RNGTT: variants seen among roughly 807,000 people sequenced by gnomAD.
RNGTT encodes the protein RNA guanylyltransferase and 5'-phosphatase.
RNGTT carries 33 observed loss-of-function variants against 79.3 expected under a neutral mutation model. That is an observed-to-expected ratio of 0.42 (90% CI 0.32 to 0.56). The LOEUF (loss-of-function observed/expected upper bound fraction) is 0.56, where lower values mean the gene tolerates loss of function less well. Ranked by LOEUF, RNGTT falls within the 20% of genes least tolerant of loss-of-function variation. RNGTT has a pLI of 0.17. For missense variants in RNGTT, 497 were observed against 739.1 expected (o/e 0.67, Z 3.80); for synonymous variants, 222 against 235.9 (o/e 0.94, Z 0.54).
chr6:88,752,713 A>G (rs918620302), intron 13 of RNGTT, among the ~76,000 whole-genome samples: 3 of 152,172 alleles, frequency 2.0e-5, no homozygotes, highest in African/African-American at 7.2e-5. Flanking sequence ...TTCACCATCT[A>G]AACTTAATTG....
intron 11 of RNGTT, among the ~76,000 whole-genome samples, chr6:88,842,170 G>T (rs1781314219): frequency 6.6e-6 from 1 of 152,070 alleles, no homozygotes; most frequent in South Asian, 2.1e-4. Context: ...ATTAAAAGGT[G>T]GGTTCAATAA....
At position 88,801,547 on chromosome 6, in the gene RNGTT, C is replaced by G. The variant is rs201601322; in HGVS notation, c.1338+17G>C. 9.4e-6 allele frequency: 15 copies of G among 1,600,578 alleles called. No individual in the cohort carries two copies. The highest frequency in any genetic ancestry group is 1.3e-5 in the African/African-American group (1 of 74,430). On this transcript the variant is annotated intron_variant, in intron 12 of 15. Transcript: ENST00000369485. ...AAACACACAAACGAACACACACACA[C>G]AGACAAATGAACTTACTCCAGTAGG...
intron 1 of RNGTT, among the ~76,000 whole-genome samples, chr6:88,941,690 G>A (rs1784852711): frequency 1.4e-5 from 2 of 148,008 alleles, no homozygotes; most frequent in South Asian, 2.1e-4. Flanking sequence ...TTGAGACGGA[G>A]TCTCGCTCTG....
intron 13 of RNGTT, among the ~76,000 whole-genome samples, chr6:88,704,030 C>T (rs535682873): frequency 1.3e-5 from 2 of 152,108 alleles, no homozygotes; most frequent in Admixed American, 6.5e-5. Flanking sequence ...GAGGCTTAGG[C>T]GGGCGGATCA....
At chr6:88,646,327 A>G (rs559367051) in intron 14 of RNGTT, among the ~76,000 whole-genome samples, 3 of 152,338 alleles carry the variant, frequency 2.0e-5, no homozygotes, top group Middle Eastern at 3.4e-3. Flanking sequence ...GGCGATCATT[A>G]AAAAGTCAGG....
At chr6:88,787,361 GGA>G (rs1273362903) in intron 12 of RNGTT, among the ~76,000 whole-genome samples, 3 of 151,998 alleles carry the variant, frequency 2.0e-5, no homozygotes, top group Non-Finnish European at 4.4e-5. Context: ...CACTCGATAT[GGA>G]GAGAAGAAAA....
At chr6:88,679,529 T>C (rs763581827) in intron 13 of RNGTT, among the ~76,000 whole-genome samples, 2 of 152,204 alleles carry the variant, frequency 1.3e-5, no homozygotes, top group Non-Finnish European at 2.9e-5. Flanking sequence ...ACTTATTTCT[T>C]ATAAAACAAT....
chr6:88,833,881 G>A (rs1582518678), intron 11 of RNGTT, among the ~76,000 whole-genome samples: 1 of 152,066 alleles, frequency 6.6e-6, no homozygotes, highest in South Asian at 2.1e-4. Context: ...AATTAGCCGG[G>A]TGTGGTGGCG....
intron 14 of RNGTT, among the ~76,000 whole-genome samples, chr6:88,622,108 T>G (rs1772462192): frequency 1.3e-5 from 2 of 152,216 alleles, no homozygotes; most frequent in South Asian, 4.1e-4. Flanking sequence ...TGGAATACAG[T>G]GTTGCCCGAT....
At chr6:88,682,718 C>T (rs1775136980) in intron 13 of RNGTT, among the ~76,000 whole-genome samples, 1 of 152,110 alleles carries the variant, frequency 6.6e-6, no homozygotes, top group African/African-American at 2.4e-5. Context: ...GCCCAGCATC[C>T]ACTAGCTACT....
chr6:88,696,056 G>GA (rs1299164478), intron 13 of RNGTT, among the ~76,000 whole-genome samples: 2 of 152,104 alleles, frequency 1.3e-5, no homozygotes, highest in Non-Finnish European at 2.9e-5. Context: ...TAGACAAGAA[G>GA]AAAAAGGTTT....
At position 88,739,004 on chromosome 6, in the gene RNGTT, T is replaced by C. The variant is rs112187679; in HGVS notation, c.1439+30770A>G. ...AAAATTATTCCTTACTTTAGAAAAC[T>C]GACACCAATTTATACTTTATGTTAT... is the stretch of plus-strand genomic sequence containing the variant. On this transcript the variant is annotated intron_variant, in intron 13 of 15. Transcript: ENST00000369485. Among the ~76,000 whole-genome samples, 1,030 of 152,192 alleles carry C rather than the reference T, an allele frequency of 6.8e-3. 5 individuals carry two copies. The highest frequency in any genetic ancestry group is 0.022 in the African/African-American group (919 of 41,542).
At chr6:88,786,704 A>G (rs1164948309) in intron 12 of RNGTT, among the ~76,000 whole-genome samples, 1 of 152,250 alleles carries the variant, frequency 6.6e-6, no homozygotes, top group East Asian at 1.9e-4. Flanking sequence ...AGAAAATACC[A>G]AAGTTTTTCT....
chr6:88,931,177 T>TAAAAAAAAAAAAAAAAA, intron 2 of RNGTT, among the ~76,000 whole-genome samples: 1 of 113,964 alleles, frequency 8.8e-6, no homozygotes. Context: ...AATGGAATAC[T>TAAAAAAAAAAAAAAAAA]ATAAAGCTGT....
intron 14 of RNGTT, among the ~76,000 whole-genome samples, chr6:88,670,190 T>C (rs1774579598): frequency 1.3e-5 from 2 of 152,206 alleles, no homozygotes; most frequent in Admixed American, 1.3e-4. Flanking sequence ...ATGACAAAGC[T>C]AGCACATATG....
intron 1 of RNGTT, 146 bp downstream of exon 1, chr6:88,963,200 A>G: frequency 1.4e-6 from 1 of 737,260 alleles, no homozygotes; most frequent in South Asian, 1.8e-5. Context: ...GTTCCCATTC[A>G]TCCACGAAGC....
chr6:88,614,791 A>G (rs902738430), intron 14 of RNGTT, among the ~76,000 whole-genome samples: 3 of 152,190 alleles, frequency 2.0e-5, no homozygotes, highest in Non-Finnish European at 4.4e-5. Flanking sequence ...AACCATCTAA[A>G]TTCCTATGTT....
intron 8 of RNGTT, among the ~76,000 whole-genome samples, chr6:88,867,189 T>C (rs1443060046): frequency 6.6e-6 from 1 of 151,442 alleles, no homozygotes; most frequent in African/African-American, 2.4e-5. Flanking sequence ...CAAAAGAAAA[T>C]AGAAAAGCCA....
intron 6 of RNGTT, among the ~76,000 whole-genome samples, chr6:88,903,544 T>G (rs888066711): frequency 2.6e-5 from 4 of 152,214 alleles, no homozygotes; most frequent in Non-Finnish European, 5.9e-5. Context: ...TGAAATAATT[T>G]CTATGTTTCG....
Sources: gnomAD v4.1 joint callset for allele counts (sites outside exome capture counted in the v4.1 genomes callset) on GRCh38, gnomAD v4.1.1 for gene constraint, MANE v1.5 for transcripts, NCBI Gene and HGNC (gene_info 2026-07-23, HGNC 2026-07-21) for gene names.